The following CTNNA3 variants were observed in gnomAD, a reference collection of about 807,000 sequenced individuals.
CTNNA3 encodes the protein catenin alpha-3.
A neutral mutation model predicts 95.7 loss-of-function variants in CTNNA3; 76 were observed. The ratio of observed to expected loss-of-function variants is 0.79; its 90% CI spans 0.66 to 0.96. CTNNA3 has a LOEUF of 0.96. Ranked by LOEUF, CTNNA3 falls within the 40% of genes least tolerant of loss-of-function variation. The pLI is 0.00. For missense variants in CTNNA3, 1,191 were observed against 1,089.8 expected (o/e 1.09, Z -1.31); for synonymous variants, 431 against 374.4 (o/e 1.15, Z -1.74).
At chr10:66,543,352 A>T (rs911497575) in intron 10 of CTNNA3, among the ~76,000 whole-genome samples, 2 of 152,126 alleles carry the variant, frequency 1.3e-5, no homozygotes, top group African/African-American at 4.8e-5. Flanking sequence ...AGCCTCCCAA[A>T]GTGCTGGGAT....
chr10:67,353,630 G>A (rs1842713315), intron 5 of CTNNA3, among the ~76,000 whole-genome samples: 1 of 151,910 alleles, frequency 6.6e-6, no homozygotes, highest in Non-Finnish European at 1.5e-5. Flanking sequence ...AATGATTAAA[G>A]TCACTTCTTA....
intron 13 of CTNNA3, among the ~76,000 whole-genome samples, chr10:66,222,586 GAA>G (rs1376531874): frequency 1.2e-4 from 14 of 116,588 alleles, no homozygotes; most frequent in African/African-American, 3.8e-4. Context: ...AAGAAGGAAA[GAA>G]AAAGAAAGAA....
At chr10:67,694,185 G>A (rs1008791525) in intron 1 of CTNNA3, among the ~76,000 whole-genome samples, 4 of 151,996 alleles carry the variant, frequency 2.6e-5, no homozygotes, top group Admixed American at 6.6e-5. Context: ...ACTATCTATC[G>A]GTTTCAGGCA....
chr10:67,739,116 G>A (rs571091166), intron 1 of CTNNA3, among the ~76,000 whole-genome samples: 7 of 152,268 alleles, frequency 4.6e-5, no homozygotes. Flanking sequence ...TCCTGGAGAA[G>A]AGCAACTCCA....
intron 11 of CTNNA3, among the ~76,000 whole-genome samples, chr10:66,451,638 TCAA>T (rs2093465595): frequency 6.6e-6 from 1 of 152,144 alleles, no homozygotes; most frequent in Non-Finnish European, 1.5e-5. Flanking sequence ...TTTAAGTATT[TCAA>T]GTAGTTTTAA....
At chr10:66,327,070 A>G (rs1372321720) in intron 12 of CTNNA3, among the ~76,000 whole-genome samples, 1 of 152,116 alleles carries the variant, frequency 6.6e-6, no homozygotes, top group Non-Finnish European at 1.5e-5. Flanking sequence ...CTTCTGTTTC[A>G]GAACTATTTT....
chr10:66,148,962 T>G (rs2084041350), intron 13 of CTNNA3, among the ~76,000 whole-genome samples: 1 of 151,540 alleles, frequency 6.6e-6, no homozygotes, highest in Non-Finnish European at 1.5e-5. Context: ...TGACCTTACA[T>G]GTAATGAACA....
At chr10:66,050,338 T>TAA (rs11382507) in intron 15 of CTNNA3, among the ~76,000 whole-genome samples, 28 of 148,548 alleles carry the variant, frequency 1.9e-4, no homozygotes, top group East Asian at 3.9e-4. Context: ...CACATTTCAG[T>TAA]AAAAAAAAAA....
rs539804110 is a variant in CTNNA3 at position 66,904,511 on chromosome 10, A to T, written c.1048-128987T>A. On this transcript the variant is annotated intron_variant, in intron 7 of 17. Transcript: ENST00000433211. Reference sequence around the variant, plus strand: ...ACAATGGCAACAAAAGCCAAAATAGACAAATGGGATCAAGTTAAACTAATG... The same window carrying T: ...ACAATGGCAACAAAAGCCAAAATAGTCAAATGGGATCAAGTTAAACTAATG... 2.6e-5 allele frequency among the ~76,000 whole-genome samples: 4 copies of T among 152,356 alleles called. No individual in the cohort carries two copies. In the South Asian group the frequency reaches 8.3e-4, roughly 32 times the overall value.
intron 13 of CTNNA3, among the ~76,000 whole-genome samples, chr10:66,187,244 T>C (rs987440322): frequency 1.3e-5 from 2 of 152,176 alleles, no homozygotes; most frequent in Admixed American, 1.3e-4. Flanking sequence ...TGTTTCCCTG[T>C]AGGCAGTTAC....
intron 7 of CTNNA3, among the ~76,000 whole-genome samples, chr10:66,965,770 A>ATTAAAAG (rs1849381591): frequency 6.6e-6 from 1 of 152,104 alleles, no homozygotes; most frequent in South Asian, 2.1e-4. Context: ...CATATGTTTC[A>ATTAAAAG]AAGGATACTT....
intron 15 of CTNNA3, among the ~76,000 whole-genome samples, chr10:65,998,213 C>T (rs1035762564): frequency 1.3e-5 from 2 of 152,066 alleles, no homozygotes; most frequent in African/African-American, 2.4e-5. Context: ...CATTTTGATA[C>T]AAGAACAGCA....
intron 15 of CTNNA3, among the ~76,000 whole-genome samples, chr10:66,009,577 A>T (rs1174378906): frequency 6.6e-6 from 1 of 152,236 alleles, no homozygotes; most frequent in African/African-American, 2.4e-5. Flanking sequence ...AACATCTTAT[A>T]GCCATTTTGA....
chr10:66,816,860 A>AAT (rs1842108991), intron 7 of CTNNA3, among the ~76,000 whole-genome samples: 2 of 152,134 alleles, frequency 1.3e-5, no homozygotes, highest in East Asian at 3.8e-4. Flanking sequence ...ATTAGAAATC[A>AAT]ATAACAGAAG....
chr10:66,052,063 G>A (rs2079970532), intron 15 of CTNNA3, among the ~76,000 whole-genome samples: 1 of 152,086 alleles, frequency 6.6e-6, no homozygotes, highest in South Asian at 2.1e-4. Context: ...ATGCTATATT[G>A]ATGGGAAAGT....
intron 7 of CTNNA3, among the ~76,000 whole-genome samples, chr10:66,872,200 T>C (rs917961230): frequency 5.3e-5 from 8 of 152,200 alleles, no homozygotes; most frequent in Admixed American, 4.6e-4. Flanking sequence ...TTTTTGCTCT[T>C]TGCATAAATA....
At chr10:66,212,332 A>T (rs967779078) in intron 13 of CTNNA3, among the ~76,000 whole-genome samples, 1 of 152,132 alleles carries the variant, frequency 6.6e-6, no homozygotes, top group African/African-American at 2.4e-5. Flanking sequence ...TAATACTTAT[A>T]GTAATCTGTT....
chr10:67,663,315 A>T (rs1056861559), intron 1 of CTNNA3, among the ~76,000 whole-genome samples: 3 of 151,624 alleles, frequency 2.0e-5, no homozygotes, highest in Non-Finnish European at 4.4e-5. Context: ...TTTAAAAAAA[A>T]ATTTCTTTTT....
chr10:66,411,990 C>T (rs2093109164), intron 11 of CTNNA3, among the ~76,000 whole-genome samples: 1 of 152,090 alleles, frequency 6.6e-6, no homozygotes, highest in African/African-American at 2.4e-5. Context: ...CTCCGTCAGT[C>T]GCTGATGAAA....
Sources: allele counts gnomAD v4.1 joint callset (sites outside exome capture counted in the v4.1 genomes callset), GRCh38; gene constraint gnomAD v4.1.1; transcripts MANE v1.5; gene names NCBI Gene and HGNC (gene_info 2026-07-23, HGNC 2026-07-21).